The following GOLIM4 variants were observed in gnomAD, a reference collection of about 807,000 sequenced individuals.
GOLIM4 encodes 130 kDa golgi-localized phosphoprotein.
GOLIM4 carries 71 observed loss-of-function variants against 107.4 expected under a neutral mutation model. The observed-to-expected ratio is 0.66, with a 90% CI of 0.55 to 0.81. The LOEUF (loss-of-function observed/expected upper bound fraction) is 0.81, where lower values mean the gene tolerates loss of function less well. Among genes scored for constraint, GOLIM4 ranks in the 30% least tolerant of loss-of-function variants. The pLI is 0.00. For missense variants in GOLIM4, 830 were observed against 826.1 expected (o/e 1.00, Z -0.06); for synonymous variants, 327 against 294.8 (o/e 1.11, Z -1.12).
intron 1 of GOLIM4, among the ~76,000 whole-genome samples, chr3:168,082,960 T>C (rs756296900): frequency 2.0e-5 from 3 of 152,216 alleles, no homozygotes; most frequent in Admixed American, 6.5e-5. Flanking sequence ...CAATCTCTTA[T>C]AGAAATATGT....
chr3:168,085,990 C>G (rs1577579306), intron 1 of GOLIM4, among the ~76,000 whole-genome samples: 1 of 152,100 alleles, frequency 6.6e-6, no homozygotes, highest in African/African-American at 2.4e-5. Flanking sequence ...TAAGGGGCCT[C>G]ACCCACACCT....
Position 168,050,238 on chromosome 3 carries a change from A to C in GOLIM4, c.188-1873T>G, listed in dbSNP as rs146151874. Among the ~76,000 whole-genome samples the C allele has an allele frequency of 4.6e-3, 696 of 151,086 alleles. 7 individuals carry two copies. The highest frequency in any genetic ancestry group is 0.016 in the African/African-American group (660 of 40,826). On this transcript the variant is annotated intron_variant, in intron 1 of 15. Coordinates refer to ENST00000470487, the MANE Select transcript of GOLIM4 (RefSeq NM_014498.5). Reference sequence around the variant, plus strand: ...GGGATAAAAATAGTTGTGTTCCAAAAAGTTTGGTTCCAAGTCCACTGCTAA... The same window carrying C: ...GGGATAAAAATAGTTGTGTTCCAAACAGTTTGGTTCCAAGTCCACTGCTAA...
chr3:168,051,417 G>T (rs187459842), intron 1 of GOLIM4, among the ~76,000 whole-genome samples: 6 of 152,272 alleles, frequency 3.9e-5, no homozygotes, highest in Non-Finnish European at 7.3e-5. Flanking sequence ...AGAGCCAGGA[G>T]ATCATAGGAC....
intron 5 of GOLIM4, 143 bp from the exon 6 acceptor site, chr3:168,041,617 A>G: frequency 1.8e-6 from 1 of 554,834 alleles, no homozygotes; most frequent in Admixed American, 3.1e-5. Flanking sequence ...AATCAACAAA[A>G]ATGATATTGT....
chr3:168,075,285 A>ATTTT (rs1721011910), intron 1 of GOLIM4, among the ~76,000 whole-genome samples: 1 of 115,096 alleles, frequency 8.7e-6, no homozygotes, highest in African/African-American at 3.5e-5. Context: ...GACATTCACT[A>ATTTT]GTTTTTTTTT....
chr3:168,036,885 G>A lies in GOLIM4; in HGVS notation c.794C>T (p.Pro265Leu), dbSNP rs750027312. 18 of 1,613,862 alleles carry A rather than the reference G, an allele frequency of 1.1e-5. No homozygotes were observed. In the Admixed American group the frequency reaches 3.0e-4, roughly 27 times the overall value. Residue 265 changes from proline (P) to leucine (L), a missense_variant, in exon 8 of 16, where the codon CCA (proline) becomes CTA (leucine). Coordinates refer to ENST00000470487, the MANE Select transcript of GOLIM4 (RefSeq NM_014498.5). ...QQNVTQVAHS[P>L]QGYNTAREKP... ...CTCCCTTGCTGTGTTGTAACCTTGT[G>A]GAGAATGTGCCACCTGGGTCACATT...
intron 3 of GOLIM4, among the ~76,000 whole-genome samples, chr3:168,046,036 C>T (rs1719284730): frequency 1.3e-5 from 2 of 152,138 alleles, no homozygotes. Flanking sequence ...TGTGTACCAT[C>T]ACGCCCAGCT....
At chr3:168,026,902 A>G (rs769082705) in intron 12 of GOLIM4, among the ~76,000 whole-genome samples, 2 of 152,246 alleles carry the variant, frequency 1.3e-5, no homozygotes, top group Non-Finnish European at 2.9e-5. Context: ...TAGCAAGGAC[A>G]TGGGTCCTCC....
At chr3:168,081,413 G>C (rs1270213349) in intron 1 of GOLIM4, among the ~76,000 whole-genome samples, 2 of 152,168 alleles carry the variant, frequency 1.3e-5, no homozygotes, top group Non-Finnish European at 2.9e-5. Flanking sequence ...GTTGGGAAGG[G>C]GGTAAGGGGT....
intron 5 of GOLIM4, among the ~76,000 whole-genome samples, chr3:168,042,473 G>A (rs1053743346): frequency 7.9e-5 from 12 of 152,130 alleles, no homozygotes; most frequent in African/African-American, 2.9e-4. Flanking sequence ...TAGAGATGGG[G>A]TTTCGCCATT....
chr3:168,035,076 A>G (rs1189848727), intron 8 of GOLIM4, among the ~76,000 whole-genome samples: 2 of 151,950 alleles, frequency 1.3e-5, no homozygotes, highest in Non-Finnish European at 1.5e-5. Context: ...ACTGATCATT[A>G]GAGAAATGCA....
rs78175230 is a variant in GOLIM4 at position 168,031,778 on chromosome 3, T to C, written c.1176+742A>G. Reference sequence around the variant, plus strand: ...CCGAATAAAACTTCAGAGTTATAAATAGAAGGTGATCCACACCCATGTAAA... The same window carrying C: ...CCGAATAAAACTTCAGAGTTATAAACAGAAGGTGATCCACACCCATGTAAA... On this transcript the variant is annotated intron_variant, in intron 9 of 15. Coordinates refer to ENST00000470487, the MANE Select transcript of GOLIM4 (RefSeq NM_014498.5). Among the ~76,000 whole-genome samples the C allele has an allele frequency of 2.1e-3, 326 of 152,100 alleles. 1 individual carries two copies. Among genetic ancestry groups the C allele is most frequent in the African/African-American group, 7.5e-3 (313 of 41,476 alleles).
chr3:168,064,855 T>C (rs568562485), intron 1 of GOLIM4, among the ~76,000 whole-genome samples: 1 of 152,062 alleles, frequency 6.6e-6, no homozygotes, highest in African/African-American at 2.4e-5. Context: ...CATATAAGTA[T>C]TCTAATTAGA....
chr3:168,064,097 G>T (rs755314342), intron 1 of GOLIM4, among the ~76,000 whole-genome samples: 1 of 152,154 alleles, frequency 6.6e-6, no homozygotes, highest in African/African-American at 2.4e-5. Flanking sequence ...CTTCACCATG[G>T]TCCCAGGAGG....
intron 14 of GOLIM4, among the ~76,000 whole-genome samples, chr3:168,024,320 C>T (rs1411132439): frequency 6.6e-6 from 1 of 152,202 alleles, no homozygotes; most frequent in Non-Finnish European, 1.5e-5. Flanking sequence ...GAGATGGATT[C>T]TATTACCCTG....
chr3:168,027,844 A>G lies in GOLIM4; in HGVS notation c.1514-7T>C, dbSNP rs967490857. 1.3e-5 allele frequency: 20 copies of G among 1,563,366 alleles called. No homozygotes were observed. Among genetic ancestry groups the G allele is most frequent in the Non-Finnish European group, 1.8e-5 (20 of 1,134,756 alleles). On this transcript the variant is annotated splice_polypyrimidine_tract_variant and splice_region_variant and intron_variant, in intron 11 of 15. Transcript: ENST00000470487. ...TGGTTGTCTCTTTCATAGGCTAGCA[A>G]ATCAAAGGAACTAAAATCAGCCCAA...
At position 168,094,857 on chromosome 3, in the gene GOLIM4, G is replaced by A. The variant is rs1441053662; in HGVS notation, c.187+242C>T. 2.6e-5 allele frequency among the ~76,000 whole-genome samples: 4 copies of A among 152,188 alleles called. No individual in the cohort carries two copies. In the South Asian group the frequency reaches 8.3e-4, roughly 31 times the overall value. On this transcript the variant is annotated intron_variant, in intron 1 of 15. Coordinates refer to ENST00000470487, the MANE Select transcript of GOLIM4 (RefSeq NM_014498.5). ...TGCACCCGCCCACCAAACGCCCAGC[G>A]GGACGATGGGCTGGTGCTACGAAGT...
At chr3:168,029,726 G>C (rs543206449) in intron 10 of GOLIM4, 54 bp downstream of exon 10, 9 of 1,586,084 alleles carry the variant, frequency 5.7e-6, no homozygotes, top group Non-Finnish European at 7.7e-6. Context: ...TTTAATTTGC[G>C]TATGAAAACT....
At chr3:168,072,314 A>G (rs1298236391) in intron 1 of GOLIM4, among the ~76,000 whole-genome samples, 1 of 152,100 alleles carries the variant, frequency 6.6e-6, no homozygotes, top group African/African-American at 2.4e-5. Flanking sequence ...ACTGCCAAGT[A>G]ACATCCTAGC....
Sources: allele counts gnomAD v4.1 joint callset (sites outside exome capture counted in the v4.1 genomes callset), GRCh38; gene constraint gnomAD v4.1.1; transcripts MANE v1.5; gene names NCBI Gene and HGNC (gene_info 2026-07-23, HGNC 2026-07-21).